Variants in CDH13 observed in about 807,000 individuals in gnomAD.
CDH13 encodes cadherin-13.
In CDH13, 24 loss-of-function variants were observed where a neutral mutation model predicts 63.8. That is an observed-to-expected ratio of 0.38 (90% confidence interval 0.27 to 0.53). The LOEUF is 0.53. Ranked by LOEUF, CDH13 falls within the 20% of genes least tolerant of loss-of-function variation. The pLI, the probability that CDH13 is intolerant of heterozygous loss-of-function variation, is 0.85. For synonymous variants in CDH13, 503 were observed against 355.3 expected (o/e 1.42, Z -4.67); for missense variants, 1,049 against 903.1 (o/e 1.16, Z -2.07).
Position 82,978,063 on chromosome 16 carries a change from CT to C in CDH13, c.158-53946del, listed in dbSNP as rs141822128. On this transcript the variant is annotated intron_variant, in intron 2 of 13. Transcript: ENST00000567109. ...GCACAGGGACTGGTGGCATTTTCCCCTGCCCTAGAGATCTCTGGCACTTTGA... is the reference window on the plus strand; with the variant it reads ...GCACAGGGACTGGTGGCATTTTCCCCGCCCTAGAGATCTCTGGCACTTTGA... Among the ~76,000 whole-genome samples, 565 of 152,244 alleles carry C rather than the reference CT, an allele frequency of 3.7e-3. 5 individuals are homozygous for C. The highest frequency in any genetic ancestry group is 0.012 in the African/African-American group (517 of 41,542).
At chr16:82,910,754 A>T (rs985180226) in intron 2 of CDH13, among the ~76,000 whole-genome samples, 1 of 152,158 alleles carries the variant, frequency 6.6e-6, no homozygotes, top group Non-Finnish European at 1.5e-5. Flanking sequence ...ACAGTGTTTA[A>T]AAGGATTACC....
chr16:82,987,939 C>G (rs575472593), intron 2 of CDH13, among the ~76,000 whole-genome samples: 114 of 152,322 alleles, frequency 7.5e-4, no homozygotes, highest in African/African-American at 2.6e-3. Context: ...TCATCATGAT[C>G]TGATGAGTCA....
chr16:83,245,978 CCA>C (rs1281404675), intron 5 of CDH13, among the ~76,000 whole-genome samples: 1 of 152,190 alleles, frequency 6.6e-6, no homozygotes, highest in African/African-American at 2.4e-5. Context: ...CTCAAGCTAT[CCA>C]CCTGCCTTGG....
rs370675164 is a variant in CDH13, at chr16:83,312,544, AG to A, written c.637-32316del. Among the ~76,000 whole-genome samples the A allele has an allele frequency of 1.1e-3, 165 of 152,272 alleles. 1 individual carries two copies. The highest frequency in any genetic ancestry group is 3.8e-3 in the African/African-American group (156 of 41,568). On this transcript the variant is annotated intron_variant, in intron 5 of 13. Coordinates refer to ENST00000567109, the MANE Select transcript of CDH13 (RefSeq NM_001257.5). ...CCAGGAGAGAGCTTCTGATTGGCTT[AG>A]GTTGTATCATAAGGCCACCCTTCTT...
chr16:83,063,787 C>G (rs1487516978), intron 3 of CDH13, among the ~76,000 whole-genome samples: 1 of 152,148 alleles, frequency 6.6e-6, no homozygotes, highest in Non-Finnish European at 1.5e-5. Flanking sequence ...GAACTGGTTC[C>G]TTCTGGAGGC....
At chr16:82,658,262 A>G (rs935220799) in intron 1 of CDH13, among the ~76,000 whole-genome samples, 1 of 152,230 alleles carries the variant, frequency 6.6e-6, no homozygotes, top group Non-Finnish European at 1.5e-5. Flanking sequence ...AATGTGGGGC[A>G]GGTATTATGC....
At chr16:83,482,491 G>T (rs116065383) in intron 6 of CDH13, among the ~76,000 whole-genome samples, 1 of 152,346 alleles carries the variant, frequency 6.6e-6, no homozygotes, top group East Asian at 1.9e-4. Context: ...TGTTTGCCAC[G>T]TATTTCCCAA....
At chr16:83,785,105 A>C (rs914753653) in intron 13 of CDH13, among the ~76,000 whole-genome samples, 1 of 152,216 alleles carries the variant, frequency 6.6e-6, no homozygotes, top group South Asian at 2.1e-4. Flanking sequence ...ATTCGGCTGT[A>C]CAGCAATTGG....
chr16:83,735,000 CA>C (rs34189850), intron 10 of CDH13, among the ~76,000 whole-genome samples: 98 of 143,402 alleles, frequency 6.8e-4, no homozygotes, highest in East Asian at 1.0e-3. Flanking sequence ...TGTGGTTATT[CA>C]AAAAAAAAAA....
chr16:83,742,654 C>T (rs534050420), intron 10 of CDH13, among the ~76,000 whole-genome samples: 56 of 152,302 alleles, frequency 3.7e-4, no homozygotes, highest in Admixed American at 1.4e-3. Flanking sequence ...CAAAAGCGCA[C>T]GGAAGCCAGG....
rs9924325 is a variant in CDH13 at position 83,647,472 on chromosome 16, T to C, written c.1102-23318T>C. The stretch of plus-strand genomic sequence containing the variant: ...GTGCTTCCATAGCAATGATGCTAGA[T>C]GTTGGCTCACTTTGGAAACACTCCC... On this transcript the variant is annotated intron_variant, in intron 8 of 13. Coordinates refer to ENST00000567109, the MANE Select transcript of CDH13 (RefSeq NM_001257.5). Among the ~76,000 whole-genome samples the C allele has an allele frequency of 5.2e-3, 789 of 152,312 alleles. 5 individuals carry two copies. Among genetic ancestry groups the C allele is most frequent in the African/African-American group, 0.018 (753 of 41,576 alleles).
At chr16:83,042,679 C>A (rs1296899045) in intron 3 of CDH13, among the ~76,000 whole-genome samples, 1 of 152,212 alleles carries the variant, frequency 6.6e-6, no homozygotes. Context: ...AGGCTGGGGA[C>A]TGCTGCTCTA....
chr16:82,647,140 T>C lies in CDH13; in HGVS notation c.45+20003T>C, dbSNP rs529534475. Reference sequence around the variant, plus strand: ...GACCATGGGCAAGTTGCTTAACCTCTGTGCCTCAGTTACCAGATCTATGAA... The same window carrying C: ...GACCATGGGCAAGTTGCTTAACCTCCGTGCCTCAGTTACCAGATCTATGAA... On this transcript the variant is annotated intron_variant, in intron 1 of 13. Coordinates refer to ENST00000567109, the MANE Select transcript of CDH13 (RefSeq NM_001257.5). 2.2e-4 allele frequency among the ~76,000 whole-genome samples: 33 copies of C among 152,318 alleles called. No individual in the cohort carries two copies. The Middle Eastern group carries it at 0.014, about 63-fold the overall frequency.
chr16:82,938,373 T>C (rs2042732617), intron 2 of CDH13, among the ~76,000 whole-genome samples: 1 of 152,230 alleles, frequency 6.6e-6, no homozygotes, highest in African/African-American at 2.4e-5. Context: ...GCAGATTAAA[T>C]GATCAATGTT....
chr16:82,869,192 G>T (rs1281170147), intron 2 of CDH13, among the ~76,000 whole-genome samples: 2 of 152,090 alleles, frequency 1.3e-5, no homozygotes, highest in African/African-American at 2.4e-5. Flanking sequence ...GACTACAGAA[G>T]TGCACCACCA....
At chr16:83,462,144 C>A (rs1452016748) in intron 6 of CDH13, among the ~76,000 whole-genome samples, 3 of 152,228 alleles carry the variant, frequency 2.0e-5, no homozygotes, top group African/African-American at 7.2e-5. Flanking sequence ...TGTGCTCTGT[C>A]ACTTCTACAT....
At chr16:83,074,774 G>A (rs1481977302) in intron 3 of CDH13, among the ~76,000 whole-genome samples, 1 of 152,174 alleles carries the variant, frequency 6.6e-6, no homozygotes, top group Non-Finnish European at 1.5e-5. Context: ...TGCAGAAAAG[G>A]AAGCTAAAGC....
intron 10 of CDH13, among the ~76,000 whole-genome samples, chr16:83,738,813 G>C (rs1911784017): frequency 6.6e-6 from 1 of 152,178 alleles, no homozygotes; most frequent in African/African-American, 2.4e-5. Flanking sequence ...GCCTAAGGCA[G>C]GAGAATCGCT....
At chr16:82,958,783 C>T (rs184574802) in intron 2 of CDH13, among the ~76,000 whole-genome samples, 263 of 152,356 alleles carry the variant, frequency 1.7e-3, no homozygotes, top group Non-Finnish European at 2.8e-3. Flanking sequence ...GAAAGAGAGA[C>T]GGTTAACTTG....
Sources: gnomAD v4.1 joint callset for allele counts (sites outside exome capture counted in the v4.1 genomes callset) on GRCh38, gnomAD v4.1.1 for gene constraint, MANE v1.5 for transcripts, NCBI Gene and HGNC (gene_info 2026-07-23, HGNC 2026-07-21) for gene names.